The following SLC41A2 variants were observed in gnomAD, a reference collection of about 807,000 sequenced individuals.
SLC41A2 encodes solute carrier family 41 member 2.
SLC41A2 carries 32 observed loss-of-function variants against 58.3 expected under a neutral mutation model. The observed-to-expected ratio is 0.55, with a 90% confidence interval of 0.41 to 0.74. The LOEUF is 0.74. Among genes scored for constraint, SLC41A2 ranks in the 30% least tolerant of loss-of-function variants. SLC41A2 has a pLI of 0.00. For synonymous variants in SLC41A2, 190 were observed against 235.0 expected, an observed-to-expected ratio of 0.81 and a Z score of 1.75; for missense variants, 514 against 680.6, an observed-to-expected ratio of 0.76 and a Z score of 2.72.
chr12:104,875,422 C>A (rs2043997414), intron 6 of SLC41A2, among the ~76,000 whole-genome samples: 1 of 152,158 alleles, frequency 6.6e-6, no homozygotes, highest in African/African-American at 2.4e-5. Context: ...CTGGTATGTG[C>A]CACCACACCT....
In SLC41A2 at chr12:104,947,099, C is replaced by T. The variant is rs568831862; in HGVS notation, c.-168+10989G>A. 3.5e-4 allele frequency among the ~76,000 whole-genome samples: 53 copies of T among 152,038 alleles called. 1 individual carries two copies. The Middle Eastern group carries it at 0.014, about 39-fold the overall frequency. ...TAAAAAGGCTCAAAACCTAACTTCCCACCTCTTTCTCCTCTTACCAATGAA... is the reference window on the plus strand; with the variant it reads ...TAAAAAGGCTCAAAACCTAACTTCCTACCTCTTTCTCCTCTTACCAATGAA... On this transcript the variant is annotated intron_variant, in intron 1 of 10. Transcript: ENST00000258538.
At chr12:104,920,054 C>T (rs1332976325) in intron 2 of SLC41A2, among the ~76,000 whole-genome samples, 1 of 152,174 alleles carries the variant, frequency 6.6e-6, no homozygotes, top group African/African-American at 2.4e-5. Flanking sequence ...GCTCCAGCAC[C>T]ATTTGCTGAA....
At chr12:104,807,690 C>T (rs2040975068) in intron 10 of SLC41A2, among the ~76,000 whole-genome samples, 2 of 152,310 alleles carry the variant, frequency 1.3e-5, no homozygotes, top group Admixed American at 6.5e-5. Flanking sequence ...ATTCTTCCTG[C>T]CCATGAGCAT....
intron 5 of SLC41A2, 116 bp downstream of exon 5, chr12:104,888,917 A>G (rs1329196683): frequency 5.6e-6 from 6 of 1,065,852 alleles, no homozygotes; most frequent in Non-Finnish European, 7.8e-6. Context: ...AAGTTTGTAG[A>G]TATGTTTTTT....
In SLC41A2 at chr12:104,853,910, G is replaced by GATTATTATTATT. The variant is rs1415342230; in HGVS notation, c.1255+7380_1255+7381insAATAATAATAAT. Among the ~76,000 whole-genome samples, 145 of 50,780 alleles carry GATTATTATTATT rather than the reference G, an allele frequency of 2.9e-3. 2 individuals carry two copies. The highest frequency in any genetic ancestry group is 4.4e-3 in the Non-Finnish European group (115 of 25,896). 33.3% of individuals were successfully genotyped at this position (50,780 alleles called of 152,430 possible). A position where few individuals can be genotyped will look rare whatever the true frequency, so the allele number is the denominator to read the frequency against. On this transcript the variant is annotated intron_variant, in intron 8 of 10. Transcript: ENST00000258538. Reference sequence around the variant, plus strand: ...CGGGTGCATGTCACCATGCCTGGCTGATTTTTTTTTTTTTTTTTTTTTTTT... The same window carrying GATTATTATTATT: ...CGGGTGCATGTCACCATGCCTGGCTGATTATTATTATTATTTTTTTTTTTTTTTTTTTTTTTT...
In SLC41A2 at chr12:104,919,500, C is replaced by T. The variant is rs900207874; in HGVS notation, c.555+8473G>A. Among the ~76,000 whole-genome samples the T allele has an allele frequency of 2.0e-5, 3 of 152,204 alleles. No homozygotes were observed. The East Asian group carries it at 5.8e-4, about 29-fold the overall frequency. On this transcript the variant is annotated intron_variant, in intron 2 of 10. Coordinates refer to ENST00000258538, the MANE Select transcript of SLC41A2 (RefSeq NM_001352171.3). ...ATGATATCCTTTCTCTACATGCTAA[C>T]TCCATCCAGTGTTGTCACTATGTTT...
At chr12:104,955,165 G>T (rs1274226919) in intron 1 of SLC41A2, among the ~76,000 whole-genome samples, 5 of 151,612 alleles carry the variant, frequency 3.3e-5, no homozygotes, top group Non-Finnish European at 5.9e-5. Flanking sequence ...ACAGGTGCCC[G>T]CCAGCACACC....
intron 1 of SLC41A2, among the ~76,000 whole-genome samples, chr12:104,930,781 A>G (rs751591340): frequency 3.3e-5 from 5 of 152,190 alleles, no homozygotes; most frequent in Non-Finnish European, 7.3e-5. Flanking sequence ...GAGGAGAGAA[A>G]GAAAACAAGG....
intron 3 of SLC41A2, among the ~76,000 whole-genome samples, chr12:104,900,789 G>T (rs991110955): frequency 5.9e-5 from 9 of 152,160 alleles, no homozygotes; most frequent in Non-Finnish European, 1.3e-4. Context: ...TATCTAAATT[G>T]TGCCATAGTT....
intron 1 of SLC41A2, among the ~76,000 whole-genome samples, chr12:104,930,469 C>A (rs978532835): frequency 6.6e-6 from 1 of 152,194 alleles, no homozygotes; most frequent in Non-Finnish European, 1.5e-5. Flanking sequence ...TTCAACTCAT[C>A]TACCTTTTTA....
rs1439290386 is a variant in SLC41A2, at chr12:104,805,215, CAG to C, written c.1657_1658del (p.Leu553ValfsTer48). On this transcript the variant is annotated frameshift_variant, in exon 11 of 11. Coordinates refer to ENST00000258538, the MANE Select transcript of SLC41A2 (RefSeq NM_001352171.3). LOFTEE classifies it high-confidence loss of function. ...AAAGAAAATGAAAACTTAAGGCTAA[CAG>C]AGCTGTCCCGAGCAGATCACCCAAT... ...TALGDLLGTA[L>X]LALSFHFLWL... 6 of 1,613,780 alleles carry C rather than the reference CAG, an allele frequency of 3.7e-6. No homozygotes were observed. Among genetic ancestry groups the C allele is most frequent in the Admixed American group, 1.7e-5 (1 of 59,980 alleles).
intron 6 of SLC41A2, among the ~76,000 whole-genome samples, chr12:104,881,209 CTTCT>C (rs1328799976): frequency 6.6e-6 from 1 of 151,958 alleles, no homozygotes; most frequent in African/African-American, 2.4e-5. Flanking sequence ...TCTCTCTTTT[CTTCT>C]TTATTAGTCT....
At chr12:104,855,502 A>T (rs1246358195) in intron 8 of SLC41A2, among the ~76,000 whole-genome samples, 1 of 152,238 alleles carries the variant, frequency 6.6e-6, no homozygotes, top group African/African-American at 2.4e-5. Flanking sequence ...TATAAATGGA[A>T]TAATTTATCA....
chr12:104,923,334 C>T lies in SLC41A2; in HGVS notation c.555+4639G>A, dbSNP rs142827106. 8.2e-3 allele frequency among the ~76,000 whole-genome samples: 1,197 copies of T among 146,530 alleles called. 32 individuals are homozygous for T. The East Asian group carries it at 0.11, about 13-fold the overall frequency. On this transcript the variant is annotated intron_variant, in intron 2 of 10. Coordinates refer to ENST00000258538, the MANE Select transcript of SLC41A2 (RefSeq NM_001352171.3). The stretch of plus-strand genomic sequence containing the variant: ...CCGTGATCGTGCCACTGCACTCCAG[C>T]CTGGGCAACAGAGTGAGACTCCATC...
chr12:104,836,821 T>A (rs2042226974), intron 10 of SLC41A2, among the ~76,000 whole-genome samples: 1 of 152,224 alleles, frequency 6.6e-6, no homozygotes, highest in Non-Finnish European at 1.5e-5. Context: ...CCAGTTTAAC[T>A]TAATATTACT....
intron 2 of SLC41A2, among the ~76,000 whole-genome samples, chr12:104,916,087 T>C (rs1026114241): frequency 2.6e-5 from 4 of 152,210 alleles, no homozygotes; most frequent in Admixed American, 2.6e-4. Flanking sequence ...GATTTGCGTA[T>C]ATTGAATCAG....
chr12:104,801,957 C>CTTTA lies in SLC41A2; in HGVS notation c.*3191_*3194dup, dbSNP rs200638182. ...GGATAATTATTTCTTAAATTTTATT[C>CTTTA]TTTATTTGAGTTTAAAACAATTCGA... On this transcript the variant is annotated 3_prime_UTR_variant, in exon 11 of 11. Coordinates refer to ENST00000258538, the MANE Select transcript of SLC41A2 (RefSeq NM_001352171.3). Among the ~76,000 whole-genome samples, 4 of 151,832 alleles carry CTTTA rather than the reference C, an allele frequency of 2.6e-5. No homozygotes were observed. Among genetic ancestry groups the CTTTA allele is most frequent in the African/African-American group, 9.7e-5 (4 of 41,312 alleles).
At chr12:104,945,796 T>A in intron 1 of SLC41A2, among the ~76,000 whole-genome samples, 1 of 152,226 alleles carries the variant, frequency 6.6e-6, no homozygotes, top group Non-Finnish European at 1.5e-5. Flanking sequence ...CAATTCAGAA[T>A]TCTGCTGTAC....
At chr12:104,818,538 A>G (rs78827226) in intron 10 of SLC41A2, among the ~76,000 whole-genome samples, 3,633 of 152,300 alleles carry the variant, frequency 0.024, 84 homozygotes, top group East Asian at 0.094. Flanking sequence ...TATGTAGGAT[A>G]GTAATTCTCA....
Sources: allele counts gnomAD v4.1 joint callset (sites outside exome capture counted in the v4.1 genomes callset), GRCh38; gene constraint gnomAD v4.1.1; transcripts MANE v1.5; gene names NCBI Gene and HGNC (gene_info 2026-07-23, HGNC 2026-07-21).